DAB1: variants seen among roughly 807,000 people sequenced by gnomAD.
The protein encoded by DAB1 is disabled homolog 1.
Under a neutral mutation model 64.6 loss-of-function variants are expected in DAB1, and 15 were observed. That is an observed-to-expected ratio of 0.23 (90% CI 0.16 to 0.36). The LOEUF (loss-of-function observed/expected upper bound fraction) is 0.36, where lower values mean the gene tolerates loss of function less well. Ranked by LOEUF, DAB1 falls within the 10% of genes least tolerant of loss-of-function variation. The pLI, the probability that DAB1 is intolerant of heterozygous loss-of-function variation, is 1.00. For missense variants in DAB1, 596 were observed against 706.7 expected, an observed-to-expected ratio of 0.84 and a Z score of 1.78; for synonymous variants, 235 against 251.9, an observed-to-expected ratio of 0.93 and a Z score of 0.64.
intron 4 of DAB1, among the ~76,000 whole-genome samples, chr1:58,263,641 G>A (rs1213891750): frequency 6.6e-6 from 1 of 152,184 alleles, no homozygotes; most frequent in Admixed American, 6.5e-5. Context: ...GGAATTTCCT[G>A]TGGCCAGCAT....
intron 8 of DAB1, among the ~76,000 whole-genome samples, chr1:57,064,879 A>G (rs764240298): frequency 2.6e-5 from 4 of 152,174 alleles, no homozygotes; most frequent in Admixed American, 6.5e-5. Flanking sequence ...ACTGAGCTCC[A>G]TCTAAAAGAA....
chr1:57,604,124 G>C (rs566783852), intron 7 of DAB1, among the ~76,000 whole-genome samples: 3 of 152,208 alleles, frequency 2.0e-5, no homozygotes, highest in Admixed American at 6.5e-5. Context: ...CAGTGTGTCT[G>C]ATGGGAGGTG....
At chr1:57,859,062 T>C (rs777912998) in intron 1 of DAB1, among the ~76,000 whole-genome samples, 1 of 152,096 alleles carries the variant, frequency 6.6e-6, no homozygotes, top group Non-Finnish European at 1.5e-5. Flanking sequence ...AGGAGAAAGC[T>C]ATGGCCTGTA....
intron 7 of DAB1, among the ~76,000 whole-genome samples, chr1:57,503,064 G>A (rs1644307871): frequency 6.6e-6 from 1 of 152,166 alleles, no homozygotes; most frequent in African/African-American, 2.4e-5. Flanking sequence ...CTAAGTAGAG[G>A]AGGCAGAATT....
intron 6 of DAB1, among the ~76,000 whole-genome samples, chr1:57,742,133 T>G (rs1050493140): frequency 1.3e-5 from 2 of 152,106 alleles, no homozygotes; most frequent in African/African-American, 4.8e-5. Context: ...GATAGCCACT[T>G]GGAATACAAG....
chr1:57,136,885 T>C (rs572895571), intron 3 of DAB1, among the ~76,000 whole-genome samples: 2 of 152,250 alleles, frequency 1.3e-5, no homozygotes, highest in Non-Finnish European at 2.9e-5. Context: ...ACTTAACTAA[T>C]CAAAATTTAT....
intron 4 of DAB1, among the ~76,000 whole-genome samples, chr1:58,224,726 A>G (rs996823950): frequency 6.6e-6 from 1 of 152,172 alleles, no homozygotes; most frequent in African/African-American, 2.4e-5. Flanking sequence ...CTCCCTATTT[A>G]ATAAATGGTG....
At chr1:57,938,803 C>G (rs1200351091) in intron 5 of DAB1, among the ~76,000 whole-genome samples, 1 of 152,026 alleles carries the variant, frequency 6.6e-6, no homozygotes, top group East Asian at 1.9e-4. Flanking sequence ...CACTGTCCTT[C>G]CCTCAGGATC....
intron 1 of DAB1, among the ~76,000 whole-genome samples, chr1:57,868,733 A>G (rs1483058337): frequency 6.6e-6 from 1 of 152,106 alleles, no homozygotes; most frequent in African/African-American, 2.4e-5. Context: ...GGTGCCTGAC[A>G]CATAGTAGGC....
intron 1 of DAB1, among the ~76,000 whole-genome samples, chr1:57,390,112 A>G (rs937437381): frequency 6.6e-6 from 1 of 152,232 alleles, no homozygotes; most frequent in African/African-American, 2.4e-5. Context: ...CAAGTCTTCA[A>G]TATCTCCCAT....
intron 5 of DAB1, among the ~76,000 whole-genome samples, chr1:57,900,032 A>C (rs1644451207): frequency 6.6e-6 from 1 of 151,714 alleles, no homozygotes; most frequent in Non-Finnish European, 1.5e-5. Flanking sequence ...TCTGACTCCT[A>C]GGCTCAAGCT....
chr1:58,514,991 A>G (rs1646137784), intron 2 of DAB1, among the ~76,000 whole-genome samples: 1 of 152,178 alleles, frequency 6.6e-6, no homozygotes, highest in Non-Finnish European at 1.5e-5. Flanking sequence ...CACTCAGGAC[A>G]GTGCCCAGCA....
chr1:57,122,017 G>C (rs1038867384), intron 4 of DAB1, among the ~76,000 whole-genome samples: 4 of 152,128 alleles, frequency 2.6e-5, no homozygotes, highest in Non-Finnish European at 5.9e-5. Flanking sequence ...TCTCTACATA[G>C]TGTCTCTGTA....
At chr1:58,346,978 C>G (rs1644007442) in intron 3 of DAB1, among the ~76,000 whole-genome samples, 1 of 152,192 alleles carries the variant, frequency 6.6e-6, no homozygotes, top group African/African-American at 2.4e-5. Flanking sequence ...CTCTCTGTGC[C>G]TCAACTGTAT....
At position 58,216,193 on chromosome 1, in the gene DAB1, C is replaced by T. The variant is rs527330523; in HGVS notation, n.310-65605G>A. Among the ~76,000 whole-genome samples, 2 of 152,198 alleles carry T rather than the reference C, an allele frequency of 1.3e-5. 1 individual carries two copies. The highest frequency in any genetic ancestry group is 4.2e-4 in the South Asian group (2 of 4,800). On this transcript the variant is annotated intron_variant and non_coding_transcript_variant, in intron 4 of 20. Coordinates refer to the DAB1 transcript ENST00000485760. Reference sequence around the variant, plus strand: ...TATCCCTCCCTTAGCCCCCACCCCCCAACAGGCCTTGGTGTGTGATGTTCC... The same window carrying T: ...TATCCCTCCCTTAGCCCCCACCCCCTAACAGGCCTTGGTGTGTGATGTTCC...
At chr1:57,535,384 G>A (rs191232139) in intron 7 of DAB1, among the ~76,000 whole-genome samples, 211 of 151,844 alleles carry the variant, frequency 1.4e-3, no homozygotes, top group African/African-American at 4.6e-3. Flanking sequence ...TTAGTACCCC[G>A]CAGCTACCTA....
At chr1:57,406,645 G>A (rs952961844) in intron 1 of DAB1, among the ~76,000 whole-genome samples, 4 of 152,106 alleles carry the variant, frequency 2.6e-5, no homozygotes, top group Admixed American at 1.3e-4. Context: ...CACCAGCACC[G>A]CAATCTCCAT....
At chr1:57,501,678 A>G (rs1644291211) in intron 7 of DAB1, among the ~76,000 whole-genome samples, 1 of 152,210 alleles carries the variant, frequency 6.6e-6, no homozygotes, top group Non-Finnish European at 1.5e-5. Context: ...GCTTCGTAAA[A>G]GCAGTTTGAA....
chr1:57,380,973 C>G (rs939358609), intron 1 of DAB1, among the ~76,000 whole-genome samples: 3 of 152,076 alleles, frequency 2.0e-5, no homozygotes, highest in African/African-American at 7.2e-5. Flanking sequence ...AGCTTATATT[C>G]CATCCCTATC....
Sources: allele counts gnomAD v4.1 joint callset (sites outside exome capture counted in the v4.1 genomes callset), GRCh38; gene constraint gnomAD v4.1.1; transcripts MANE v1.5; gene names NCBI Gene and HGNC (gene_info 2026-07-23, HGNC 2026-07-21).